ASTN2: variants seen among roughly 807,000 people sequenced by gnomAD.
The protein encoded by ASTN2 is astrotactin-2.
In ASTN2, 54 loss-of-function variants were observed where a neutral mutation model predicts 139.8. The observed-to-expected ratio is 0.39, with a 90% confidence interval of 0.31 to 0.48. ASTN2 has a LOEUF of 0.48. Ranked by LOEUF, ASTN2 falls within the 20% of genes least tolerant of loss-of-function variation. The probability of loss-of-function intolerance (pLI) is 0.95; values close to 1 mark genes in which losing one functional copy is unlikely to be tolerated. For synonymous variants in ASTN2, 756 were observed against 719.5 expected, an observed-to-expected ratio of 1.05 and a Z score of -0.81; for missense variants, 1,565 against 1,725.1, an observed-to-expected ratio of 0.91 and a Z score of 1.64.
rs144004925 is a variant in ASTN2, at chr9:117,038,637, G to T, written c.1423+1182C>A. 3.9e-3 allele frequency among the ~76,000 whole-genome samples: 588 copies of T among 152,174 alleles called. 3 individuals carry two copies. Among genetic ancestry groups the T allele is most frequent in the African/African-American group, 0.014 (569 of 41,514 alleles). ...GTAAAATGTATACAATTTTTAAAGGGTAAAAAGTTCTAAAACTAAAAATTT... is the reference window on the plus strand; with the variant it reads ...GTAAAATGTATACAATTTTTAAAGGTTAAAAAGTTCTAAAACTAAAAATTT... On this transcript the variant is annotated intron_variant, in intron 6 of 22. Coordinates refer to ENST00000313400, the MANE Select transcript of ASTN2 (RefSeq NM_001365068.1).
chr9:117,407,821 C>A (rs1285869643), intron 1 of ASTN2, among the ~76,000 whole-genome samples: 1 of 152,204 alleles, frequency 6.6e-6, no homozygotes, highest in Non-Finnish European at 1.5e-5. Context: ...AAAGAAAAAC[C>A]AGCTCTCTCT....
At chr9:117,365,263 GAAA>G (rs962076704) in intron 1 of ASTN2, among the ~76,000 whole-genome samples, 2 of 131,604 alleles carry the variant, frequency 1.5e-5, no homozygotes, top group Non-Finnish European at 3.3e-5. Context: ...GAAACAGAGA[GAAA>G]AAAAGACAGA....
At chr9:117,318,121 T>C (rs980919869) in intron 1 of ASTN2, among the ~76,000 whole-genome samples, 1 of 152,186 alleles carries the variant, frequency 6.6e-6, no homozygotes, top group Non-Finnish European at 1.5e-5. Flanking sequence ...TGAAGCAGCA[T>C]AGCACAGAGA....
At chr9:117,333,487 G>A in intron 1 of ASTN2, among the ~76,000 whole-genome samples, 1 of 152,098 alleles carries the variant, frequency 6.6e-6, no homozygotes, top group East Asian at 1.9e-4. Flanking sequence ...TCTTCAAACT[G>A]CCTCCAAAAC....
intron 1 of ASTN2, among the ~76,000 whole-genome samples, chr9:117,358,413 T>G (rs1049105146): frequency 1.5e-5 from 1 of 64,920 alleles, no homozygotes; most frequent in African/African-American, 5.9e-5. Flanking sequence ...TGAATGAGTG[T>G]AACATTACAA....
intron 20 of ASTN2, among the ~76,000 whole-genome samples, chr9:116,449,194 C>T (rs1848100468): frequency 6.6e-6 from 1 of 152,024 alleles, no homozygotes; most frequent in Non-Finnish European, 1.5e-5. Context: ...TTGCATGAGC[C>T]CAGGAGTTCA....
intron 12 of ASTN2, among the ~76,000 whole-genome samples, chr9:116,806,359 C>A (rs1257670707): frequency 6.6e-6 from 1 of 152,144 alleles, no homozygotes; most frequent in Non-Finnish European, 1.5e-5. Context: ...GCCTTTGAGA[C>A]AGGGGTGGCC....
chr9:116,664,202 T>C (rs1199314795), intron 16 of ASTN2, among the ~76,000 whole-genome samples: 1 of 151,994 alleles, frequency 6.6e-6, no homozygotes, highest in African/African-American at 2.4e-5. Flanking sequence ...AAATATATTT[T>C]ACTAAATGGA....
chr9:117,140,136 C>A (rs1830039727), intron 4 of ASTN2, among the ~76,000 whole-genome samples: 1 of 152,158 alleles, frequency 6.6e-6, no homozygotes, highest in South Asian at 2.1e-4. Context: ...ATCATTTAAG[C>A]TGTTTCTTGG....
intron 19 of ASTN2, among the ~76,000 whole-genome samples, chr9:116,554,911 C>T (rs898784648): frequency 6.6e-6 from 1 of 152,058 alleles, no homozygotes; most frequent in East Asian, 1.9e-4. Flanking sequence ...GAAGGTGATG[C>T]TCAGATGAGA....
At chr9:116,502,455 G>A in intron 19 of ASTN2, among the ~76,000 whole-genome samples, 1 of 151,680 alleles carries the variant, frequency 6.6e-6, no homozygotes, top group East Asian at 1.9e-4. Context: ...GAGAAAGAGA[G>A]AGACATAGAT....
intron 19 of ASTN2, chr9:116,611,530 AAC>A (rs1855539049): frequency 6.6e-6 from 1 of 152,156 alleles, no homozygotes; most frequent in Non-Finnish European, 1.5e-5. Flanking sequence ...CTAGAAAAAA[AAC>A]AGAGGAGACA....
intron 11 of ASTN2, among the ~76,000 whole-genome samples, chr9:116,854,708 G>A (rs1189026961): frequency 6.8e-6 from 1 of 147,634 alleles, no homozygotes; most frequent in East Asian, 2.0e-4. Flanking sequence ...CTGGAGTGCA[G>A]TGGCACCATC....
chr9:116,452,830 C>T (rs1217079219), intron 20 of ASTN2, among the ~76,000 whole-genome samples: 4 of 152,202 alleles, frequency 2.6e-5, no homozygotes, highest in Non-Finnish European at 4.4e-5. Flanking sequence ...GGAGGATGAA[C>T]TCCATGTTCC....
chr9:117,289,065 A>ATGGC (rs1262576800), intron 2 of ASTN2, among the ~76,000 whole-genome samples: 1 of 152,230 alleles, frequency 6.6e-6, no homozygotes, highest in African/African-American at 2.4e-5. Flanking sequence ...GTCTGTGCTT[A>ATGGC]TGGCTGTCTT....
At chr9:117,139,149 A>G (rs1830016878) in intron 4 of ASTN2, among the ~76,000 whole-genome samples, 1 of 152,192 alleles carries the variant, frequency 6.6e-6, no homozygotes, top group Non-Finnish European at 1.5e-5. Flanking sequence ...ATACAGAAGT[A>G]AAGATGAATA....
intron 7 of ASTN2, among the ~76,000 whole-genome samples, chr9:116,985,761 G>A (rs930191867): frequency 3.9e-5 from 6 of 152,116 alleles, no homozygotes; most frequent in Non-Finnish European, 5.9e-5. Flanking sequence ...AACACAGGAC[G>A]CTTAACATGG....
intron 5 of ASTN2, among the ~76,000 whole-genome samples, chr9:117,094,625 C>G (rs181224480): frequency 3.3e-5 from 5 of 152,146 alleles, no homozygotes; most frequent in Non-Finnish European, 5.9e-5. Context: ...AGGCAGATCC[C>G]ATTTTTCCAA....
In ASTN2 at chr9:117,215,846, T is replaced by C. The variant is rs115665656; in HGVS notation, c.631-1104A>G. On this transcript the variant is annotated intron_variant, in intron 2 of 22. Coordinates refer to ENST00000313400, the MANE Select transcript of ASTN2 (RefSeq NM_001365068.1). ...GGAAGACACTTTGCTGAATGCCTGC[T>C]GTGTAATCCCTAGAGTCAGGAGGAA... Among the ~76,000 whole-genome samples, 1,415 of 152,262 alleles carry C rather than the reference T, an allele frequency of 9.3e-3. 25 individuals are homozygous for C. Among genetic ancestry groups the C allele is most frequent in the African/African-American group, 0.033 (1,361 of 41,530 alleles).
Sources: gnomAD v4.1 joint callset for allele counts (sites outside exome capture counted in the v4.1 genomes callset) on GRCh38, gnomAD v4.1.1 for gene constraint, MANE v1.5 for transcripts, NCBI Gene and HGNC (gene_info 2026-07-23, HGNC 2026-07-21) for gene names.